Variants in CACUL1 observed in about 807,000 individuals in gnomAD.
CACUL1 encodes CDK2 associated cullin domain 1, also known as CDK2-associated and cullin domain-containing protein 1.
In CACUL1, 13 loss-of-function variants were observed where a neutral mutation model predicts 45.2. The observed-to-expected ratio is 0.29, with a 90% CI of 0.19 to 0.46. The LOEUF (loss-of-function observed/expected upper bound fraction) is 0.46. Among genes scored for constraint, CACUL1 ranks in the 20% least tolerant of loss-of-function variants. CACUL1 has a pLI of 1.00. For missense variants in CACUL1, 421 were observed against 471.4 expected (o/e 0.89, Z 0.99); for synonymous variants, 197 against 174.2 (o/e 1.13, Z -1.03).
At position 118,677,411 on chromosome 10, in the gene CACUL1, G is replaced by A. The variant is rs1845108808; in HGVS notation, c.*8717C>T. On this transcript the variant is annotated 3_prime_UTR_variant, in exon 9 of 9. Transcript: ENST00000369151. ...TGAATATACATTAACTCAGAGAACT[G>A]GCATGTTTAGAATGGTCCAAACGTT... 6.6e-6 allele frequency: 1 copy of A among 152,078 alleles called. No homozygotes were observed. Among genetic ancestry groups the A allele is most frequent in the African/African-American group, 2.4e-5 (1 of 41,386 alleles). 9.4% of individuals were successfully genotyped at this position (152,078 alleles called of 1,614,324 possible). A position where few individuals can be genotyped will look rare whatever the true frequency, so the allele number is the denominator to read the frequency against.
chr10:118,697,177 A>G (rs542226608), intron 5 of CACUL1, among the ~76,000 whole-genome samples: 1 of 152,362 alleles, frequency 6.6e-6, no homozygotes, highest in South Asian at 2.1e-4. Context: ...AGTACTGAGC[A>G]TTTAGTAAGT....
At chr10:118,712,672 G>A (rs970107518) in intron 3 of CACUL1, among the ~76,000 whole-genome samples, 24 of 152,208 alleles carry the variant, frequency 1.6e-4, no homozygotes, top group Admixed American at 1.1e-3. Context: ...GCTCCTAGCA[G>A]AAAGGGTAGC....
chr10:118,748,718 GA>G (rs1589621474), intron 1 of CACUL1, among the ~76,000 whole-genome samples: 1 of 152,268 alleles, frequency 6.6e-6, no homozygotes, highest in East Asian at 1.9e-4. Flanking sequence ...AAAAAAATCT[GA>G]AATCCAAAAC....
rs1845156887 is a variant in CACUL1 at position 118,681,842 on chromosome 10, A to G, written c.*4286T>C. ...AGGAAGGTGTCCAGGACTTTAGTTAATCAACAGTGGGGACAGAGAGGAATG... is the reference window on the plus strand; with the variant it reads ...AGGAAGGTGTCCAGGACTTTAGTTAGTCAACAGTGGGGACAGAGAGGAATG... On this transcript the variant is annotated 3_prime_UTR_variant, in exon 9 of 9. Coordinates refer to ENST00000369151, the MANE Select transcript of CACUL1 (RefSeq NM_153810.5). 1 of 152,268 alleles carries G rather than the reference A, an allele frequency of 6.6e-6. No individual in the cohort carries two copies. The highest frequency in any genetic ancestry group is 2.4e-5 in the African/African-American group (1 of 41,460). 9.4% of individuals were successfully genotyped at this position (152,268 alleles called of 1,614,324 possible).
rs78058383 is a variant in CACUL1 at position 118,725,712 on chromosome 10, T to C, written c.597+3583A>G. ...TGAAGTAAAGTAATTTTTTCCAAAA[T>C]GAAAGAAATGTGTTTAAAAACAAAA... On this transcript the variant is annotated intron_variant, in intron 3 of 8. Transcript: ENST00000369151. Among the ~76,000 whole-genome samples the C allele has an allele frequency of 5.3e-3, 811 of 152,214 alleles. 5 individuals are homozygous for C. The highest frequency in any genetic ancestry group is 0.018 in the African/African-American group (734 of 41,534).
At chr10:118,728,306 G>C (rs944157993) in intron 3 of CACUL1, among the ~76,000 whole-genome samples, 58 of 146,012 alleles carry the variant, frequency 4.0e-4, no homozygotes, top group Admixed American at 8.6e-4. Flanking sequence ...ATCTATTGCT[G>C]AGTGACTTTT....
At chr10:118,744,779 C>G (rs942612211) in intron 1 of CACUL1, among the ~76,000 whole-genome samples, 2 of 152,062 alleles carry the variant, frequency 1.3e-5, no homozygotes, top group Non-Finnish European at 2.9e-5. Context: ...CCTCAGCCTC[C>G]TGAGTAGCTG....
At chr10:118,704,990 C>T (rs984208101) in intron 4 of CACUL1, among the ~76,000 whole-genome samples, 1 of 152,192 alleles carries the variant, frequency 6.6e-6, no homozygotes, top group Non-Finnish European at 1.5e-5. Context: ...CCAGGGGTCC[C>T]CAGCTTGCAA....
At chr10:118,740,684 T>C (rs1242310583) in intron 1 of CACUL1, among the ~76,000 whole-genome samples, 1 of 151,966 alleles carries the variant, frequency 6.6e-6, no homozygotes, top group Non-Finnish European at 1.5e-5. Flanking sequence ...CCCAGCACTT[T>C]AGGAGGCTGA....
intron 3 of CACUL1, among the ~76,000 whole-genome samples, chr10:118,712,742 A>AAT (rs1845501574): frequency 6.6e-6 from 1 of 152,060 alleles, no homozygotes; most frequent in South Asian, 2.1e-4. Context: ...ACAGGCCCTA[A>AAT]AGTGAGTGGC....
chr10:118,726,949 T>TAC (rs1389854379), intron 3 of CACUL1, among the ~76,000 whole-genome samples: 5 of 152,290 alleles, frequency 3.3e-5, no homozygotes, highest in African/African-American at 1.2e-4. Flanking sequence ...TAATAATGGT[T>TAC]ACAATCGTTA....
At chr10:118,740,018 G>T (rs1589618408) in intron 1 of CACUL1, among the ~76,000 whole-genome samples, 1 of 152,106 alleles carries the variant, frequency 6.6e-6, no homozygotes, top group Non-Finnish European at 1.5e-5. Context: ...GTGGTGGCAT[G>T]CGCCTATAAT....
chr10:118,742,552 G>A (rs1845801610), intron 1 of CACUL1, among the ~76,000 whole-genome samples: 1 of 152,084 alleles, frequency 6.6e-6, no homozygotes, highest in African/African-American at 2.4e-5. Context: ...AGTTCGGCCG[G>A]GAACAGAGGC....
chr10:118,746,146 T>C (rs865774166), intron 1 of CACUL1, among the ~76,000 whole-genome samples: 4 of 108,028 alleles, frequency 3.7e-5, no homozygotes, highest in Admixed American at 1.2e-4. Flanking sequence ...AGCGAGACAC[T>C]GTCTCAAAAA....
At chr10:118,701,564 T>C (rs1255220493) in intron 4 of CACUL1, among the ~76,000 whole-genome samples, 156 bp from the exon 5 acceptor site, 1 of 152,166 alleles carries the variant, frequency 6.6e-6, no homozygotes. Flanking sequence ...CAACTATTAG[T>C]TACTTGTCTT....
chr10:118,728,781 T>A (rs899141428), intron 3 of CACUL1, among the ~76,000 whole-genome samples: 1 of 152,174 alleles, frequency 6.6e-6, no homozygotes, highest in Non-Finnish European at 1.5e-5. Context: ...TCAAGCTAAG[T>A]GCTCCCTTAA....
chr10:118,706,181 A>C (rs1161779055), intron 4 of CACUL1, among the ~76,000 whole-genome samples: 1 of 152,218 alleles, frequency 6.6e-6, no homozygotes. Flanking sequence ...AATTATGATA[A>C]ATTAGACTTT....
Position 118,676,977 on chromosome 10 carries a change from AAATACTACT to A in CACUL1, c.*9142_*9150del, listed in dbSNP as rs1465454612. 3.9e-5 allele frequency: 6 copies of A among 152,232 alleles called. No homozygotes were observed. The highest frequency in any genetic ancestry group is 7.3e-5 in the Non-Finnish European group (5 of 68,028). The allele number at this position is 152,232 out of a possible 1,614,324, so 9.4% of individuals were successfully genotyped here. ...AAAAAACTTCTCCAATCCCAAGAAA[AAATACTACT>A]TTCTAGTTTTTACAACATTTTTTTC... On this transcript the variant is annotated 3_prime_UTR_variant, in exon 9 of 9. Coordinates refer to ENST00000369151, the MANE Select transcript of CACUL1 (RefSeq NM_153810.5).
At position 118,754,594 on chromosome 10, in the gene CACUL1, G is replaced by A. The variant is rs1448788140; in HGVS notation, c.169C>T (p.Leu57=). The change falls in exon 1 of 9, where the codon CTG becomes TTG. Residue 57 remains leucine (L), a synonymous_variant. Coordinates refer to ENST00000369151, the MANE Select transcript of CACUL1 (RefSeq NM_153810.5). ...ACGGAGACCGCGGGCACCGCCAGCA[G>A]CTGCCCCCCCGGAGGCTCTCGGGCA... is the stretch of plus-strand genomic sequence containing the variant. ...APAREPPGGQ[L]LAVPAVSVDR... The A allele has an allele frequency of 6.2e-7, 1 of 1,609,212 alleles. No individual in the cohort carries two copies.
Sources: allele counts gnomAD v4.1 joint callset (sites outside exome capture counted in the v4.1 genomes callset), GRCh38; gene constraint gnomAD v4.1.1; transcripts MANE v1.5; gene names NCBI Gene and HGNC (gene_info 2026-07-23, HGNC 2026-07-21).